SP100: variants seen among roughly 807,000 people sequenced by gnomAD.
SP100 encodes the protein nuclear autoantigen Sp-100.
SP100 carries 84 observed loss-of-function variants against 130.0 expected under a neutral mutation model. The observed-to-expected ratio is 0.65, with a 90% CI of 0.54 to 0.77. SP100 has a LOEUF of 0.77. Ranked by LOEUF, SP100 falls within the 30% of genes least tolerant of loss-of-function variation. SP100 has a pLI of 0.00. For missense variants in SP100, 978 were observed against 1,052.2 expected, an observed-to-expected ratio of 0.93 and a Z score of 0.97; for synonymous variants, 331 against 351.7, an observed-to-expected ratio of 0.94 and a Z score of 0.66.
chr2:230,543,786 T>G lies in SP100; in HGVS notation c.*840T>G, dbSNP rs1692249900. ...TCCTATCAAACCACCAATGACATTC[T>G]TCACAGAACTAGATAAAACTATTTT... On this transcript the variant is annotated 3_prime_UTR_variant, in exon 29 of 29. Coordinates refer to ENST00000340126, the MANE Select transcript of SP100 (RefSeq NM_001080391.2). 6.6e-6 allele frequency: 1 copy of G among 152,180 alleles called. No homozygotes were observed. Among genetic ancestry groups the G allele is most frequent in the African/African-American group, 2.4e-5 (1 of 41,440 alleles). 9.4% of individuals were successfully genotyped at this position (152,180 alleles called of 1,614,324 possible).
intron 17 of SP100, among the ~76,000 whole-genome samples, chr2:230,486,401 C>G (rs935841268): frequency 1.3e-5 from 2 of 152,176 alleles, no homozygotes; most frequent in Non-Finnish European, 2.9e-5. Context: ...GTTCAACTCC[C>G]ACTTATGAGT....
chr2:230,542,131 G>A (rs10199013), intron 28 of SP100, 96 bp downstream of exon 28: 553,128 of 1,290,580 alleles, frequency 0.43, 124,034 homozygotes, highest in South Asian at 0.53. Flanking sequence ...TGTTACAATC[G>A]CCCTTATCAT....
At chr2:230,522,219 G>T (rs931958471) in intron 24 of SP100, among the ~76,000 whole-genome samples, 2 of 151,676 alleles carry the variant, frequency 1.3e-5, no homozygotes, top group African/African-American at 4.9e-5. Context: ...GGGCTTGTTT[G>T]TTGTGGCAGC....
intron 24 of SP100, among the ~76,000 whole-genome samples, chr2:230,525,157 A>T (rs1691361892): frequency 6.6e-6 from 1 of 152,156 alleles, no homozygotes; most frequent in African/African-American, 2.4e-5. Flanking sequence ...AAAATGACTT[A>T]TTTTTTAAAA....
intron 24 of SP100, among the ~76,000 whole-genome samples, chr2:230,524,196 A>AAAAAAAAAAAG (rs1559534607): frequency 9.1e-6 from 1 of 110,234 alleles, no homozygotes; most frequent in African/African-American, 2.7e-5. Flanking sequence ...AAAAAAAAAA[A>AAAAAAAAAAAG]AAAAAGAAAA....
chr2:230,531,732 C>T (rs528713180), intron 24 of SP100, among the ~76,000 whole-genome samples: 9 of 152,094 alleles, frequency 5.9e-5, no homozygotes, highest in South Asian at 4.2e-4. Flanking sequence ...TAAAGTACTT[C>T]CTAGTTACAT....
intron 13 of SP100, among the ~76,000 whole-genome samples, chr2:230,467,568 G>A (rs111975190): frequency 1.0e-3 from 156 of 152,324 alleles, no homozygotes; most frequent in Admixed American, 2.1e-3. Flanking sequence ...TGAAAGGCAC[G>A]TCTCACATGG....
At chr2:230,507,829 T>C (rs1690237427) in intron 22 of SP100, among the ~76,000 whole-genome samples, 164 bp from the exon 23 acceptor site, 1 of 152,188 alleles carries the variant, frequency 6.6e-6, no homozygotes, top group African/African-American at 2.4e-5. Flanking sequence ...AAATGCTTCC[T>C]TGAATCCCTG....
In SP100 at chr2:230,545,576, T is replaced by C. The variant is rs1692280406; in HGVS notation, c.*2630T>C. ...AAAAGTTTTTTTAATTGTAAATAAATGGATCATTAAAAAAAATTTTAATAA... is the reference window on the plus strand; with the variant it reads ...AAAAGTTTTTTTAATTGTAAATAAACGGATCATTAAAAAAAATTTTAATAA... On this transcript the variant is annotated 3_prime_UTR_variant, in exon 29 of 29. Coordinates refer to ENST00000340126, the MANE Select transcript of SP100 (RefSeq NM_001080391.2). 6.6e-6 allele frequency among the ~76,000 whole-genome samples: 1 copy of C among 152,084 alleles called. No homozygotes were observed. The highest frequency in any genetic ancestry group is 2.4e-5 in the African/African-American group (1 of 41,402).
intron 20 of SP100, among the ~76,000 whole-genome samples, chr2:230,503,594 T>A (rs970326648): frequency 6.6e-6 from 1 of 152,220 alleles, no homozygotes; most frequent in African/African-American, 2.4e-5. Context: ...TCTAACTGTA[T>A]ATCTGAATGC....
intron 8 of SP100, among the ~76,000 whole-genome samples, chr2:230,456,729 AT>A (rs1361172488): frequency 6.6e-6 from 1 of 151,898 alleles, no homozygotes; most frequent in Non-Finnish European, 1.5e-5. Context: ...CATTCATTGT[AT>A]TTTTCAGCTC....
At chr2:230,539,224 A>G (rs1314083153) in intron 24 of SP100, 43 bp from the exon 25 acceptor site, 2 of 1,248,258 alleles carry the variant, frequency 1.6e-6, no homozygotes, top group Non-Finnish European at 2.4e-6. Flanking sequence ...CTAGGGTCCA[A>G]GGGTCTCACT....
chr2:230,478,077 T>G (rs2065656847), intron 17 of SP100, among the ~76,000 whole-genome samples: 1 of 152,216 alleles, frequency 6.6e-6, no homozygotes, highest in South Asian at 2.1e-4. Flanking sequence ...TAAAAAAGTT[T>G]TATACATTGT....
Position 230,428,734 on chromosome 2 carries a change from G to A in SP100, c.107+11069G>A, listed in dbSNP as rs565452135. ...TGGGATTACAGGCGTGAGCCACCAC[G>A]CCTGGCCGAGAAGTGCTACACACTT... is the stretch of plus-strand genomic sequence containing the variant. On this transcript the variant is annotated intron_variant, in intron 2 of 28. Transcript: ENST00000340126. Among the ~76,000 whole-genome samples, 13 of 151,642 alleles carry A rather than the reference G, an allele frequency of 8.6e-5. 1 individual carries two copies. The highest frequency in any genetic ancestry group is 4.6e-4 in the Admixed American group (7 of 15,256).
At chr2:230,514,975 G>A (rs1690822012) in intron 24 of SP100, 1 of 1,516,760 alleles carries the variant, frequency 6.6e-7, no homozygotes, top group Non-Finnish European at 8.8e-7. Context: ...GTGAGAGCTG[G>A]ACAGGCCCTG....
At chr2:230,462,394 C>T (rs777577500) in intron 9 of SP100, 41 bp from the exon 10 acceptor site, 31 of 1,511,182 alleles carry the variant, frequency 2.1e-5, no homozygotes, top group Non-Finnish European at 2.9e-5. Flanking sequence ...ACTCCTTGGT[C>T]ACACCCTGAG....
chr2:230,465,390 C>G (rs1214641217), intron 11 of SP100, among the ~76,000 whole-genome samples: 3 of 152,034 alleles, frequency 2.0e-5, no homozygotes, highest in African/African-American at 7.2e-5. Flanking sequence ...CAGAGTGAGA[C>G]CCTGTCTCAA....
At chr2:230,475,053 G>A (rs141962811) in intron 17 of SP100, among the ~76,000 whole-genome samples, 99 of 152,068 alleles carry the variant, frequency 6.5e-4, no homozygotes, top group African/African-American at 2.0e-3. Context: ...TATACCTAAA[G>A]GTAGTGGGAT....
At position 230,514,902 on chromosome 2, in the gene SP100, G is replaced by A. The variant is rs558608935; in HGVS notation, c.2094+3736G>A. The A allele has an allele frequency of 3.6e-4, 293 of 817,590 alleles. 2 individuals are homozygous for A. In the African/African-American group the frequency reaches 4.2e-3, roughly 12 times the overall value. 50.6% of individuals were successfully genotyped at this position (817,590 alleles called of 1,614,324 possible). A position where few individuals can be genotyped will look rare whatever the true frequency, so the allele number is the denominator to read the frequency against. On this transcript the variant is annotated intron_variant, in intron 24 of 28. Transcript: ENST00000340126. ...GTTGGGAAGGGACATTACTTAACAC[G>A]AGGTCAAAAAACCTACAAGAGATTG...
Sources: gnomAD v4.1 joint callset for allele counts (sites outside exome capture counted in the v4.1 genomes callset) on GRCh38, gnomAD v4.1.1 for gene constraint, MANE v1.5 for transcripts, NCBI Gene and HGNC (gene_info 2026-07-23, HGNC 2026-07-21) for gene names.